Variants in TRPM3 observed in about 807,000 individuals in gnomAD.
TRPM3 encodes transient receptor potential cation channel subfamily M member 3, also known as long transient receptor potential channel 3.
TRPM3 carries 77 observed loss-of-function variants against 181.2 expected under a neutral mutation model. The observed-to-expected ratio is 0.42, with a 90% confidence interval of 0.35 to 0.51. The LOEUF is 0.51. TRPM3 is among the 20% of genes least tolerant of loss of function. The probability of loss-of-function intolerance (pLI) is 0.01; values close to 1 mark genes in which losing one functional copy is unlikely to be tolerated. For missense variants in TRPM3, 1,759 were observed against 2,196.7 expected, an observed-to-expected ratio of 0.80 and a Z score of 3.98; for synonymous variants, 745 against 796.4, an observed-to-expected ratio of 0.94 and a Z score of 1.09.
intron 1 of TRPM3, among the ~76,000 whole-genome samples, chr9:71,045,989 C>CTT (rs141410620): frequency 0.03 from 4,319 of 145,300 alleles, 302 homozygotes; most frequent in East Asian, 0.28. Flanking sequence ...ATTGCCTACA[C>CTT]TTTTTTTTTT....
intron 12 of TRPM3, 60 bp downstream of exon 12, chr9:70,635,151 C>CT (rs1174194102): frequency 6.7e-7 from 1 of 1,493,236 alleles, no homozygotes; most frequent in East Asian, 2.3e-5. Context: ...CAGAGGCACT[C>CT]TCTAATCACA....
chr9:70,696,102 T>A (rs2134559607), intron 8 of TRPM3, among the ~76,000 whole-genome samples: 1 of 152,338 alleles, frequency 6.6e-6, no homozygotes, highest in East Asian at 1.9e-4. Context: ...GGGGCAAGGA[T>A]CTTCCCCTCC....
chr9:71,229,926 C>G (rs2080937778), intron 1 of TRPM3, among the ~76,000 whole-genome samples: 1 of 152,080 alleles, frequency 6.6e-6, no homozygotes, highest in Non-Finnish European at 1.5e-5. Flanking sequence ...AGCAATCCTA[C>G]TGTTAGGTAT....
intron 1 of TRPM3, among the ~76,000 whole-genome samples, chr9:70,901,360 G>A (rs866051138): frequency 6.6e-5 from 10 of 152,250 alleles, no homozygotes; most frequent in Middle Eastern, 3.4e-3. Context: ...ACACTGTCAA[G>A]TAATAGAAAG....
Position 70,536,719 on chromosome 9 carries a change from C to G in TRPM3, c.4394G>C (p.Arg1465Thr). The change falls in exon 26 of 26, where the codon AGA becomes ACA. Residue 1465 changes from arginine (R) to threonine (T), a missense_variant. By Grantham distance (71) the Arg-to-Thr change is moderately conservative. This residue lies in a region of TRPM3 where 612 missense variants were observed against 590.0 expected (regional missense o/e 1.04). Coordinates refer to ENST00000677713, the MANE Select transcript of TRPM3 (RefSeq NM_001366145.2). ...AAAATCAATGCTCCGGCTTGGAGGT[C>G]TGTCTGTGGGTGCAAGTGTTGCATA... The part of the protein sequence containing the change: ...SAYATLAPTD[R>T]PPSRSIDFED... 6.2e-7 allele frequency: 1 copy of G among 1,614,086 alleles called. No individual in the cohort carries two copies. Among genetic ancestry groups the G allele is most frequent in the Non-Finnish European group, 8.5e-7 (1 of 1,180,034 alleles).
chr9:71,427,872 C>A (rs1246640831), intron 1 of TRPM3, among the ~76,000 whole-genome samples: 2 of 152,008 alleles, frequency 1.3e-5, no homozygotes, highest in Non-Finnish European at 2.9e-5. Context: ...ACACAAAATA[C>A]CTTTGTAACA....
chr9:70,531,402 C>T lies in TRPM3; in HGVS notation c.*4551G>A, dbSNP rs374723560. 7 of 152,168 alleles carry T rather than the reference C, an allele frequency of 4.6e-5. No homozygotes were observed. In the East Asian group the frequency reaches 5.8e-4, roughly 13 times the overall value. The allele number at this position is 152,168 out of a possible 1,614,324, so 9.4% of individuals were successfully genotyped here. A position where few individuals can be genotyped will look rare whatever the true frequency, so the allele number is the denominator to read the frequency against. ...ACTGTTTGAGTGAATTCTTAACTGG[C>T]TTAAGCGTCACAGCAGGCAATAGTA... On this transcript the variant is annotated 3_prime_UTR_variant, in exon 26 of 26. Coordinates refer to ENST00000677713, the MANE Select transcript of TRPM3 (RefSeq NM_001366145.2).
At chr9:70,694,315 G>T (rs188220410) in intron 8 of TRPM3, among the ~76,000 whole-genome samples, 1 of 152,240 alleles carries the variant, frequency 6.6e-6, no homozygotes, top group East Asian at 1.9e-4. Context: ...ACTAGCTGGT[G>T]ACTGGAGATC....
In TRPM3 at chr9:71,080,171, A is replaced by AAATAAATAAAT. The variant is rs1554820949; in HGVS notation, c.177+41006_177+41007insATTTATTTATT. On this transcript the variant is annotated intron_variant, in intron 1 of 25. Transcript: ENST00000677713. ...GACAACAAGAGTCAAACTCCATCTC[A>AAATAAATAAAT]AAATAAATAAATAAATAAATAAATA... Among the ~76,000 whole-genome samples the AAATAAATAAAT allele has an allele frequency of 1.2e-4, 16 of 133,196 alleles. No homozygotes were observed. In the Admixed American group the frequency reaches 1.2e-3, roughly 10 times the overall value. The allele number at this position is 133,196 out of a possible 152,430, so 87.4% of individuals were successfully genotyped here.
Position 70,603,452 on chromosome 9 carries a change from G to A in TRPM3, c.2686C>T (p.Leu896=), listed in dbSNP as rs978579681. The A allele has an allele frequency of 1.2e-6, 2 of 1,613,978 alleles. No individual in the cohort carries two copies. The change falls in exon 20 of 26, where the codon CTG becomes TTG. Residue 896 remains leucine (L), a synonymous_variant. Coordinates refer to ENST00000677713, the MANE Select transcript of TRPM3 (RefSeq NM_001366145.2). The part of the protein sequence containing the change: ...WFYTLAYIGY[L]MLFNYIVLVK... ...AACACGATATAGTTGAAGAGCATCA[G>A]GTATCCGATATACGCCAGCTGTAAG...
At chr9:70,883,254 GT>G (rs1337901980) in intron 1 of TRPM3, among the ~76,000 whole-genome samples, 1 of 152,180 alleles carries the variant, frequency 6.6e-6, no homozygotes, top group African/African-American at 2.4e-5. Context: ...AAATCCACCA[GT>G]GGTCACTACT....
At chr9:71,396,616 C>A (rs920319008) in intron 1 of TRPM3, among the ~76,000 whole-genome samples, 1 of 150,968 alleles carries the variant, frequency 6.6e-6, no homozygotes, top group Non-Finnish European at 1.5e-5. Flanking sequence ...TTCTGAGAAC[C>A]AAATCTAAAA....
chr9:70,580,069 A>T (rs1280139230), intron 22 of TRPM3, among the ~76,000 whole-genome samples: 1 of 152,198 alleles, frequency 6.6e-6, no homozygotes, highest in African/African-American at 2.4e-5. Context: ...CAGCAGGTTT[A>T]ACCTGTTCAG....
At chr9:70,586,393 C>A (rs1001812769) in intron 22 of TRPM3, among the ~76,000 whole-genome samples, 2 of 152,172 alleles carry the variant, frequency 1.3e-5, no homozygotes, top group African/African-American at 4.8e-5. Context: ...GGAATCATCA[C>A]AAAGTCCTGT....
At chr9:71,152,539 AATTTT>A (rs1490189676) in intron 1 of TRPM3, among the ~76,000 whole-genome samples, 1 of 152,130 alleles carries the variant, frequency 6.6e-6, no homozygotes, top group East Asian at 1.9e-4. Flanking sequence ...AATAAGGGAT[AATTTT>A]ATTTTAATTT....
chr9:71,392,311 G>A (rs2093080662), intron 1 of TRPM3, among the ~76,000 whole-genome samples: 1 of 152,076 alleles, frequency 6.6e-6, no homozygotes, highest in African/African-American at 2.4e-5. Flanking sequence ...AAAGTAAAAG[G>A]AAAGGATAAA....
At chr9:70,916,220 C>T (rs961847605) in intron 1 of TRPM3, among the ~76,000 whole-genome samples, 3 of 152,098 alleles carry the variant, frequency 2.0e-5, no homozygotes, top group African/African-American at 7.2e-5. Context: ...TCATCAACAC[C>T]AGACCTGTTC....
intron 1 of TRPM3, among the ~76,000 whole-genome samples, chr9:71,321,949 G>GA (rs1049974805): frequency 5.9e-5 from 9 of 151,920 alleles, no homozygotes; most frequent in African/African-American, 2.2e-4. Context: ...GTCACAGAAG[G>GA]AAAAAATGAG....
Position 70,536,419 on chromosome 9 carries a change from G to C in TRPM3, c.4694C>G (p.Thr1565Arg), listed in dbSNP as rs894022788. 6 of 1,614,038 alleles carry C rather than the reference G, an allele frequency of 3.7e-6. No individual in the cohort carries two copies. The highest frequency in any genetic ancestry group is 5.1e-6 in the Non-Finnish European group (6 of 1,180,038). Residue 1565 changes from threonine to arginine, a missense_variant, in exon 26 of 26, where the codon ACA (threonine) becomes AGA (arginine). By Grantham distance (71) the Thr-to-Arg change is moderately conservative. This residue lies in a region of TRPM3 where 612 missense variants were observed against 590.0 expected (regional missense o/e 1.04). Transcript: ENST00000677713. ...TGCTTGAGGGGCATTGACACACCTT[G>C]TGTCAATACAGTCTGTAATACTTGT... ...EYTSITDCID[T>R]RCVNAPQAIA...
Sources: gnomAD v4.1 joint callset for allele counts (sites outside exome capture counted in the v4.1 genomes callset) on GRCh38, gnomAD v4.1.1 for gene constraint, gnomAD v4.1.1 regional missense constraint, MANE v1.5 for transcripts, NCBI Gene and HGNC (gene_info 2026-07-23, HGNC 2026-07-21) for gene names.